Variants in DPP6 observed in about 807,000 individuals in gnomAD.
The protein encoded by DPP6 is A-type potassium channel modulatory protein DPP6.
DPP6 carries 69 observed loss-of-function variants against 122.6 expected under a neutral mutation model. The observed-to-expected ratio is 0.56, with a 90% CI of 0.46 to 0.69. The LOEUF is 0.69. Among genes scored for constraint, DPP6 ranks in the 30% least tolerant of loss-of-function variants. The probability of loss-of-function intolerance (pLI) is 0.00; values close to 1 mark genes in which losing one functional copy is unlikely to be tolerated. For synonymous variants in DPP6, 418 were observed against 433.1 expected (o/e 0.97, Z 0.43); for missense variants, 928 against 1,116.9 (o/e 0.83, Z 2.41).
chr7:154,641,265 G>C (rs544485606), intron 6 of DPP6, among the ~76,000 whole-genome samples: 1 of 152,270 alleles, frequency 6.6e-6, no homozygotes, highest in East Asian at 1.9e-4. Context: ...GGGTAGGTTT[G>C]TTTGACTTTG....
intron 1 of DPP6, among the ~76,000 whole-genome samples, chr7:154,405,606 G>A (rs970995657): frequency 6.6e-6 from 1 of 152,102 alleles, no homozygotes; most frequent in Non-Finnish European, 1.5e-5. Context: ...GGCTCTGGAG[G>A]CTCAGCTCCC....
chr7:154,826,529 G>A (rs1310677612), intron 16 of DPP6, among the ~76,000 whole-genome samples: 1 of 152,154 alleles, frequency 6.6e-6, no homozygotes, highest in East Asian at 1.9e-4. Flanking sequence ...AACACCCAAA[G>A]GCTTCTTGAG....
the DPP6 span, among the ~76,000 whole-genome samples, chr7:153,824,119 T>G: frequency 6.6e-6 from 1 of 152,228 alleles, no homozygotes; most frequent in Non-Finnish European, 1.5e-5. Context: ...TTGGGCGCGG[T>G]GGCTTACGCC....
rs1430771429 is a variant in DPP6, at chr7:154,779,303, ACCACCCCCACCATCGCCT to A, written c.1136+6367_1136+6384del. Among the ~76,000 whole-genome samples, 8 of 129,322 alleles carry A rather than the reference ACCACCCCCACCATCGCCT, an allele frequency of 6.2e-5. No homozygotes were observed. In the East Asian group the frequency reaches 9.9e-4, roughly 16 times the overall value. 84.8% of individuals were successfully genotyped at this position (129,322 alleles called of 152,430 possible). ...CACCACCACCCCCACTACTATCACC[ACCACCCCCACCATCGCCT>A]CCACCACCACCACCATCATCACTTC... is the stretch of plus-strand genomic sequence containing the variant. On this transcript the variant is annotated intron_variant, in intron 10 of 25. Coordinates refer to ENST00000377770, the MANE Select transcript of DPP6 (RefSeq NM_130797.4).
intron 8 of DPP6, among the ~76,000 whole-genome samples, chr7:154,744,280 G>A (rs1398884627): frequency 6.6e-6 from 1 of 152,170 alleles, no homozygotes; most frequent in East Asian, 1.9e-4. Context: ...ATCTCTCAGA[G>A]CACTTGGAGA....
chr7:154,403,216 T>C lies in DPP6; in HGVS notation c.244-42998T>C, dbSNP rs1815790138. On this transcript the variant is annotated intron_variant, in intron 1 of 25. Transcript: ENST00000377770. The surrounding 1 kb of genome is among the most constrained non-coding windows in gnomAD (Gnocchi z 4.1). ...AGGTCGCCACCGTGAGGCCCCAGCA[T>C]TTGGGTCCATCACTGGCGATGTGCT... 6.6e-6 allele frequency among the ~76,000 whole-genome samples: 1 copy of C among 152,162 alleles called. No individual in the cohort carries two copies. The highest frequency in any genetic ancestry group is 1.5e-5 in the Non-Finnish European group (1 of 68,026).
intron 1 of DPP6, among the ~76,000 whole-genome samples, chr7:153,953,298 A>G (rs918952948): frequency 4.6e-5 from 7 of 152,202 alleles, no homozygotes; most frequent in African/African-American, 1.7e-4. Context: ...CCATTTATAG[A>G]TAAGGAAACG....
At chr7:154,708,491 G>A (rs1304992639) in intron 7 of DPP6, among the ~76,000 whole-genome samples, 1 of 152,010 alleles carries the variant, frequency 6.6e-6, no homozygotes, top group East Asian at 1.9e-4. Flanking sequence ...TTATTTTTTA[G>A]CAATTTGTAC....
At chr7:154,541,288 G>A (rs990187728) in intron 4 of DPP6, among the ~76,000 whole-genome samples, 3 of 152,032 alleles carry the variant, frequency 2.0e-5, no homozygotes, top group Non-Finnish European at 4.4e-5. Context: ...GTGCCGCCGT[G>A]CCCAGCTAAT....
chr7:154,584,247 C>T (rs973958850), intron 5 of DPP6, among the ~76,000 whole-genome samples: 2 of 152,228 alleles, frequency 1.3e-5, no homozygotes, highest in Non-Finnish European at 1.5e-5. Flanking sequence ...TGGGCCTTTG[C>T]AGGCGCTGTT....
At chr7:153,873,509 C>G in the DPP6 span, among the ~76,000 whole-genome samples, 1 of 152,104 alleles carries the variant, frequency 6.6e-6, no homozygotes, top group African/African-American at 2.4e-5. Flanking sequence ...AAAAAAAATT[C>G]TAACCGTTCC....
intron 10 of DPP6, among the ~76,000 whole-genome samples, chr7:154,778,891 T>TCACCACCAGCTC (rs374773863): frequency 1.0e-5 from 1 of 96,170 alleles, no homozygotes; most frequent in East Asian, 3.7e-4. Flanking sequence ...ACTACAACCT[T>TCACCACCAGCTC]CACCACCATC....
the DPP6 span, among the ~76,000 whole-genome samples, chr7:153,817,449 C>A: frequency 2.0e-5 from 3 of 147,038 alleles, no homozygotes; most frequent in Non-Finnish European, 4.5e-5. Flanking sequence ...AAACAAATAC[C>A]TTTATAACCT....
chr7:154,292,671 T>C (rs554630220), intron 1 of DPP6, among the ~76,000 whole-genome samples: 16 of 152,290 alleles, frequency 1.1e-4, no homozygotes, highest in African/African-American at 3.8e-4. Context: ...TGAACATTCT[T>C]AAAAGGAAGA....
At chr7:154,460,716 G>T (rs1206340021) in intron 2 of DPP6, among the ~76,000 whole-genome samples, 1 of 151,862 alleles carries the variant, frequency 6.6e-6, no homozygotes, top group Non-Finnish European at 1.5e-5. Flanking sequence ...TTTAATTTCT[G>T]TGGGTACATA....
At chr7:154,847,862 A>G (rs962171667) in intron 16 of DPP6, among the ~76,000 whole-genome samples, 2 of 151,682 alleles carry the variant, frequency 1.3e-5, no homozygotes, top group Non-Finnish European at 2.9e-5. Flanking sequence ...CCATCTTTCT[A>G]CTCTTTGTTT....
Position 154,063,215 on chromosome 7 carries a change from C to T in DPP6, c.243+10152C>T, listed in dbSNP as rs576479275. Among the ~76,000 whole-genome samples the T allele has an allele frequency of 5.4e-4, 72 of 133,190 alleles. 9 individuals are homozygous for T. Among genetic ancestry groups the T allele is most frequent in the Non-Finnish European group, 9.2e-4 (56 of 61,100 alleles). The allele number at this position is 133,190 out of a possible 152,430, so 87.4% of individuals were successfully genotyped here. On this transcript the variant is annotated intron_variant, in intron 1 of 25. Coordinates refer to ENST00000377770, the MANE Select transcript of DPP6 (RefSeq NM_130797.4). ...ATCGCAGGGTTGGGGAGGCACCCCC[C>T]CGCGAGGCAGGGACTGAGAGCCAGC...
At chr7:154,698,220 T>C (rs1033425421) in intron 7 of DPP6, among the ~76,000 whole-genome samples, 1 of 152,204 alleles carries the variant, frequency 6.6e-6, no homozygotes, top group African/African-American at 2.4e-5. Context: ...AACATAATTT[T>C]CATAGTTACA....
chr7:154,373,154 A>G (rs1586088035), intron 1 of DPP6, among the ~76,000 whole-genome samples: 5 of 152,332 alleles, frequency 3.3e-5, no homozygotes, highest in Non-Finnish European at 7.3e-5. Flanking sequence ...AATGGGATGA[A>G]TACACTCAAT....
Sources: allele counts gnomAD v4.1 joint callset (sites outside exome capture counted in the v4.1 genomes callset), GRCh38; gene constraint gnomAD v4.1.1; non-coding constraint Gnocchi (gnomAD v3.1); transcripts MANE v1.5; gene names NCBI Gene and HGNC (gene_info 2026-07-23, HGNC 2026-07-21).